ENTPD6: variants seen among roughly 807,000 people sequenced by gnomAD.
The protein encoded by ENTPD6 is CD39 antigen-like 2.
ENTPD6 carries 46 observed loss-of-function variants against 61.5 expected under a neutral mutation model. The ratio of observed to expected loss-of-function variants is 0.75; its 90% CI spans 0.59 to 0.96. ENTPD6 has a LOEUF of 0.96. Ranked by LOEUF, ENTPD6 falls within the 40% of genes least tolerant of loss-of-function variation. The probability of loss-of-function intolerance (pLI) is 0.00; values close to 1 mark genes in which losing one functional copy is unlikely to be tolerated. For synonymous variants in ENTPD6, 252 were observed against 255.5 expected, an observed-to-expected ratio of 0.99 and a Z score of 0.13; for missense variants, 612 against 629.0, an observed-to-expected ratio of 0.97 and a Z score of 0.29.
At position 25,216,710 on chromosome 20, in the gene ENTPD6, C is replaced by A; in HGVS notation, c.772C>A (p.Gln258Lys). The A allele has an allele frequency of 1.2e-6, 2 of 1,605,242 alleles. No individual in the cohort carries two copies. Among genetic ancestry groups the A allele is most frequent in the Admixed American group, 3.4e-5 (2 of 59,076 alleles). ...GMLDLGGGST[Q>K]IAFLPRVEGT... ...GCTGGACTTGGGCGGAGGATCCACT[C>A]AGATCGCCTTCCTGCCACGCGTGGA... The change falls in exon 8 of 15, where the codon CAG becomes AAG. Residue 258 changes from glutamine (Q) to lysine (K), a missense_variant. By Grantham distance (53) the Gln-to-Lys change is moderately conservative (BLOSUM62 1). Transcript: ENST00000376652.
chr20:25,223,409 C>A (rs564968017), intron 12 of ENTPD6, among the ~76,000 whole-genome samples: 7 of 152,114 alleles, frequency 4.6e-5, no homozygotes, highest in African/African-American at 1.7e-4. Flanking sequence ...CAGATTAGGG[C>A]GGAAAAAGGT....
At position 25,214,855 on chromosome 20, in the gene ENTPD6, CTT is replaced by C; in HGVS notation, c.598-10_598-9del. On this transcript the variant is annotated splice_polypyrimidine_tract_variant and intron_variant, in intron 5 of 14. Coordinates refer to ENST00000376652, the MANE Select transcript of ENTPD6 (RefSeq NM_001247.5). The stretch of plus-strand genomic sequence containing the variant: ...TTCTAAAGGATGAAGTAACATCTCT[CTT>C]TACATTTAGGTGAAAAAAGTATTTA... 2 of 1,398,576 alleles carry C rather than the reference CTT, an allele frequency of 1.4e-6. 1 individual carries two copies. Among genetic ancestry groups the C allele is most frequent in the Non-Finnish European group, 2.0e-6 (2 of 983,682 alleles). The allele number at this position is 1,398,576 out of a possible 1,614,324, so 86.6% of individuals were successfully genotyped here. A position where few individuals can be genotyped will look rare whatever the true frequency, so the allele number is the denominator to read the frequency against.
chr20:25,204,435 T>C (rs2091295978), intron 1 of ENTPD6, among the ~76,000 whole-genome samples: 1 of 151,990 alleles, frequency 6.6e-6, no homozygotes, highest in Non-Finnish European at 1.5e-5. Flanking sequence ...CACAATTTAT[T>C]TGCCTTGTTG....
At chr20:25,214,689 G>A (rs944432297) in intron 5 of ENTPD6, 178 bp from the exon 6 acceptor site, 3 of 598,556 alleles carry the variant, frequency 5.0e-6, no homozygotes, top group Non-Finnish European at 6.0e-6. Flanking sequence ...AATTCTAAAG[G>A]ATGAAGAAAG....
chr20:25,223,014 G>T, intron 12 of ENTPD6, 36 bp downstream of exon 12: 1 of 1,565,754 alleles, frequency 6.4e-7, no homozygotes, highest in Non-Finnish European at 8.7e-7. Context: ...AGGAAGGTCG[G>T]GGCGGCAGGG....
At chr20:25,211,553 G>A (rs2091960653) in intron 4 of ENTPD6, among the ~76,000 whole-genome samples, 1 of 152,210 alleles carries the variant, frequency 6.6e-6, no homozygotes, top group Non-Finnish European at 1.5e-5. Context: ...CACCCACGGT[G>A]GTGTCCACAC....
In ENTPD6 at chr20:25,225,647, A is replaced by C. The variant is rs1600700616; in HGVS notation, c.*50A>C. The C allele has an allele frequency of 2.7e-6, 4 of 1,494,504 alleles. No individual in the cohort carries two copies. Among genetic ancestry groups the C allele is most frequent in the East Asian group, 2.3e-5 (1 of 44,146 alleles). 92.6% of individuals were successfully genotyped at this position (1,494,504 alleles called of 1,614,324 possible). ...CAGCAGTGTCTGTGTGTCTGCATAAACCCTCCTGTCCTGGACGTGACTTCA... is the reference window on the plus strand; with the variant it reads ...CAGCAGTGTCTGTGTGTCTGCATAACCCCTCCTGTCCTGGACGTGACTTCA... On this transcript the variant is annotated 3_prime_UTR_variant, in exon 15 of 15. Transcript: ENST00000376652.
chr20:25,210,373 T>C (rs968487651), intron 4 of ENTPD6, among the ~76,000 whole-genome samples: 1 of 151,978 alleles, frequency 6.6e-6, no homozygotes, highest in African/African-American at 2.4e-5. Flanking sequence ...TGGCCAGGCA[T>C]GGTGGCTCAC....
intron 1 of ENTPD6, among the ~76,000 whole-genome samples, chr20:25,205,279 GGCATGT>G (rs1326663873): frequency 6.6e-6 from 1 of 152,124 alleles, no homozygotes; most frequent in Non-Finnish European, 1.5e-5. Flanking sequence ...TGCGTGATGG[GGCATGT>G]GCAGGTTGGG....
In ENTPD6 at chr20:25,222,991, G is replaced by C. The variant is rs11906892; in HGVS notation, c.1186+13G>C. On this transcript the variant is annotated intron_variant, in intron 12 of 14. Coordinates refer to ENST00000376652, the MANE Select transcript of ENTPD6 (RefSeq NM_001247.5). ...GTGGGCCTCATAGGTAAGGGGGCCC[G>C]GATGGGCTGAGCAGGAAGGTCGGGG... is the stretch of plus-strand genomic sequence containing the variant. The C allele has an allele frequency of 1.2e-6, 2 of 1,610,758 alleles. No individual in the cohort carries two copies. Among genetic ancestry groups the C allele is most frequent in the South Asian group, 1.1e-5 (1 of 90,892 alleles).
Position 25,218,605 on chromosome 20 carries a change from G to A in ENTPD6, c.934G>A (p.Gly312Arg). Residue 312 changes from glycine (G) to arginine (R), a missense_variant, in exon 10 of 15, where the codon GGG becomes AGG. Coordinates refer to ENST00000376652, the MANE Select transcript of ENTPD6 (RefSeq NM_001247.5). ...CCTGGCGATCCTGGGCGGCGTGGAG[G>A]GGCAGCCTGGTGAGTGGACATGTTG... ...ARLAILGGVE[G>R]QPAKDGKELV... 6.2e-7 allele frequency: 1 copy of A among 1,605,362 alleles called. No individual in the cohort carries two copies. Among genetic ancestry groups the A allele is most frequent in the Non-Finnish European group, 8.5e-7 (1 of 1,178,176 alleles).
At chr20:25,214,346 A>C (rs576653255) in intron 5 of ENTPD6, among the ~76,000 whole-genome samples, 1 of 152,326 alleles carries the variant, frequency 6.6e-6, no homozygotes, top group Admixed American at 6.5e-5. Flanking sequence ...TGGGCAAGGA[A>C]ATACCCCCCG....
chr20:25,222,824 G>C lies in ENTPD6; in HGVS notation c.1046-14G>C. The C allele has an allele frequency of 6.2e-7, 1 of 1,613,162 alleles. No individual in the cohort carries two copies. Among genetic ancestry groups the C allele is most frequent in the Non-Finnish European group, 8.5e-7 (1 of 1,179,822 alleles). ...TCGGAGCCCACTGACCGCTAGCCTT[G>C]TGCTTGTCCCCAGCGGCAAGCCTGC... On this transcript the variant is annotated splice_polypyrimidine_tract_variant and intron_variant, in intron 11 of 14. Coordinates refer to ENST00000376652, the MANE Select transcript of ENTPD6 (RefSeq NM_001247.5).
chr20:25,195,974 C>A, intron 1 of ENTPD6, 107 bp downstream of exon 1: 1 of 978,008 alleles, frequency 1.0e-6, no homozygotes, highest in Non-Finnish European at 1.3e-6. Flanking sequence ...CTCGGGGTCA[C>A]TCGCACCCCG....
chr20:25,222,504 C>G (rs1233769964), intron 11 of ENTPD6: 2 of 239,734 alleles, frequency 8.3e-6, no homozygotes, highest in Non-Finnish European at 1.6e-5. Flanking sequence ...TCCGGGCTGG[C>G]GGAGGGGGAA....
At chr20:25,221,847 G>C (rs897703876) in intron 11 of ENTPD6, 5 of 233,340 alleles carry the variant, frequency 2.1e-5, no homozygotes, top group South Asian at 6.0e-5. Flanking sequence ...ATGCCTTCGC[G>C]AACCGTTCAG....
At chr20:25,210,422 G>C (rs922626061) in intron 4 of ENTPD6, among the ~76,000 whole-genome samples, 2 of 151,536 alleles carry the variant, frequency 1.3e-5, no homozygotes, top group African/African-American at 4.8e-5. Flanking sequence ...GGGGCAAGAG[G>C]ATCTCTTGAG....
At chr20:25,224,062 C>T (rs1196497690) in intron 12 of ENTPD6, 39 bp from the exon 13 acceptor site, 2 of 1,598,970 alleles carry the variant, frequency 1.3e-6, no homozygotes, top group Admixed American at 3.4e-5. Flanking sequence ...TCGCCAACCT[C>T]ACAGTGCTCC....
At position 25,206,591 on chromosome 20, in the gene ENTPD6, G is replaced by A. The variant is rs746637304; in HGVS notation, c.54+1G>A. 6.8e-6 allele frequency: 11 copies of A among 1,611,394 alleles called. No individual in the cohort carries two copies. Among genetic ancestry groups the A allele is most frequent in the South Asian group, 2.2e-5 (2 of 91,034 alleles). ...CAGAAAAACGAGCTACATTTTTCAG[G>A]TTTGTCTGGGGCTCTCAGTAGTTGC... On this transcript the variant is annotated splice_donor_variant, in intron 2 of 14. Coordinates refer to ENST00000376652, the MANE Select transcript of ENTPD6 (RefSeq NM_001247.5). LOFTEE classifies it high-confidence loss of function.
Sources: allele counts gnomAD v4.1 joint callset (sites outside exome capture counted in the v4.1 genomes callset), GRCh38; gene constraint gnomAD v4.1.1; transcripts MANE v1.5; gene names NCBI Gene and HGNC (gene_info 2026-07-23, HGNC 2026-07-21).